CCBE1: variants seen among roughly 807,000 people sequenced by gnomAD.
CCBE1 encodes the protein collagen and calcium-binding EGF domain-containing protein 1.
In CCBE1, 37 loss-of-function variants were observed where a neutral mutation model predicts 50.0. The observed-to-expected ratio is 0.74, with a 90% CI of 0.57 to 0.97. CCBE1 has a LOEUF of 0.97. CCBE1 is among the 50% of genes least tolerant of loss of function. The pLI is 0.00. For synonymous variants in CCBE1, 234 were observed against 203.7 expected, an observed-to-expected ratio of 1.15 and a Z score of -1.27; for missense variants, 538 against 523.8, an observed-to-expected ratio of 1.03 and a Z score of -0.26.
chr18:59,587,094 C>T (rs2053189077), intron 2 of CCBE1, among the ~76,000 whole-genome samples: 1 of 152,208 alleles, frequency 6.6e-6, no homozygotes, highest in African/African-American at 2.4e-5. Context: ...AAGATGACTT[C>T]ACTGGTAAGT....
At chr18:59,535,486 T>G (rs557758760) in intron 2 of CCBE1, among the ~76,000 whole-genome samples, 1 of 152,140 alleles carries the variant, frequency 6.6e-6, no homozygotes, top group African/African-American at 2.4e-5. Flanking sequence ...AAAAGTAACA[T>G]GCAATGCATA....
intron 10 of CCBE1, 106 bp from the exon 11 acceptor site, chr18:59,436,247 C>G: frequency 2.0e-6 from 2 of 978,686 alleles, no homozygotes; most frequent in Non-Finnish European, 3.2e-6. Flanking sequence ...CTCAATAACT[C>G]TGTGCCCCAA....
At chr18:59,680,561 G>T (rs564912182) in intron 2 of CCBE1, among the ~76,000 whole-genome samples, 1 of 152,092 alleles carries the variant, frequency 6.6e-6, no homozygotes, top group East Asian at 1.9e-4. Context: ...AGCCGGGCGT[G>T]GTGGCGGGCG....
intron 2 of CCBE1, among the ~76,000 whole-genome samples, chr18:59,554,125 G>A (rs1916026268): frequency 6.6e-6 from 1 of 152,110 alleles, no homozygotes; most frequent in East Asian, 1.9e-4. Context: ...GTGTAGGGAG[G>A]TCTGCAGGCA....
At chr18:59,491,441 G>GT (rs1465521145) in intron 2 of CCBE1, among the ~76,000 whole-genome samples, 4 of 152,104 alleles carry the variant, frequency 2.6e-5, no homozygotes, top group Non-Finnish European at 5.9e-5. Context: ...TTTCTTGCCT[G>GT]TATTTTCTAA....
intron 5 of CCBE1, among the ~76,000 whole-genome samples, chr18:59,456,701 G>A (rs142424688): frequency 7.8e-4 from 119 of 152,300 alleles, no homozygotes; most frequent in Admixed American, 1.6e-3. Flanking sequence ...ATGGATGGAG[G>A]GAGAGATGGG....
At chr18:59,504,972 G>A in intron 2 of CCBE1, among the ~76,000 whole-genome samples, 1 of 152,120 alleles carries the variant, frequency 6.6e-6, no homozygotes, top group East Asian at 1.9e-4. Context: ...CCAAACCTGG[G>A]CCATACCCCT....
At chr18:59,466,653 A>G in intron 5 of CCBE1, 86 bp downstream of exon 5, 3 of 749,298 alleles carry the variant, frequency 4.0e-6, no homozygotes, top group South Asian at 4.7e-5. Flanking sequence ...AATCATATCT[A>G]TATAATATAT....
At chr18:59,493,189 A>C (rs1913192140) in intron 2 of CCBE1, among the ~76,000 whole-genome samples, 1 of 152,226 alleles carries the variant, frequency 6.6e-6, no homozygotes, top group Non-Finnish European at 1.5e-5. Flanking sequence ...ACAAAAAGGG[A>C]AGTGATCTGA....
At chr18:59,641,691 T>A (rs552535445) in intron 2 of CCBE1, among the ~76,000 whole-genome samples, 1 of 152,128 alleles carries the variant, frequency 6.6e-6, no homozygotes, top group Middle Eastern at 3.4e-3. Flanking sequence ...CATAAACATA[T>A]AGTAATCAGA....
intron 2 of CCBE1, among the ~76,000 whole-genome samples, chr18:59,691,659 C>T (rs531030814): frequency 3.3e-5 from 5 of 152,344 alleles, no homozygotes; most frequent in African/African-American, 1.2e-4. Context: ...CTGCCTTGGC[C>T]TCCCAAAGTG....
intron 2 of CCBE1, among the ~76,000 whole-genome samples, chr18:59,533,081 C>CT (rs1174124774): frequency 6.6e-6 from 1 of 152,154 alleles, no homozygotes; most frequent in Admixed American, 6.5e-5. Flanking sequence ...CCTAAGTTCT[C>CT]TTTTTTCCCC....
At chr18:59,564,837 G>A (rs149211776) in intron 2 of CCBE1, among the ~76,000 whole-genome samples, 5 of 152,322 alleles carry the variant, frequency 3.3e-5, no homozygotes, top group African/African-American at 9.6e-5. Flanking sequence ...GCCTGGCCTT[G>A]GTCCATGGTG....
chr18:59,642,569 C>T (rs1182073085), intron 2 of CCBE1, among the ~76,000 whole-genome samples: 3 of 152,154 alleles, frequency 2.0e-5, no homozygotes, highest in African/African-American at 7.2e-5. Context: ...TAAGAACAAT[C>T]CAAATGTCTA....
At chr18:59,675,695 C>T (rs1356171924) in intron 2 of CCBE1, among the ~76,000 whole-genome samples, 1 of 152,052 alleles carries the variant, frequency 6.6e-6, no homozygotes, top group East Asian at 1.9e-4. Context: ...GAAGGTTGGC[C>T]CAGAGTTTAG....
intron 2 of CCBE1, among the ~76,000 whole-genome samples, chr18:59,525,675 G>C (rs1040788348): frequency 2.0e-5 from 3 of 152,174 alleles, no homozygotes; most frequent in African/African-American, 7.2e-5. Context: ...CTGTGCCTAT[G>C]TCCTGAATGG....
At chr18:59,468,130 G>C (rs1013432033) in intron 4 of CCBE1, among the ~76,000 whole-genome samples, 1 of 152,210 alleles carries the variant, frequency 6.6e-6, no homozygotes, top group African/African-American at 2.4e-5. Flanking sequence ...GCTCATGCCT[G>C]TAATCCCAGC....
At chr18:59,507,492 T>C (rs923420248) in intron 2 of CCBE1, among the ~76,000 whole-genome samples, 1 of 152,246 alleles carries the variant, frequency 6.6e-6, no homozygotes, top group Non-Finnish European at 1.5e-5. Context: ...TTCTGCCTCA[T>C]GTTCTTCCTT....
At chr18:59,532,213 A>C (rs528139331) in intron 2 of CCBE1, among the ~76,000 whole-genome samples, 12 of 152,118 alleles carry the variant, frequency 7.9e-5, no homozygotes, top group Non-Finnish European at 1.6e-4. Flanking sequence ...AATACAGCTG[A>C]TTTTTGTATT....
Sources: gnomAD v4.1 joint callset for allele counts (sites outside exome capture counted in the v4.1 genomes callset) on GRCh38, gnomAD v4.1.1 for gene constraint, MANE v1.5 for transcripts, NCBI Gene and HGNC (gene_info 2026-07-23, HGNC 2026-07-21) for gene names.